Variants in RCOR2 observed in about 807,000 individuals in gnomAD.
RCOR2 encodes the protein REST corepressor 2.
Under a neutral mutation model 58.9 loss-of-function variants are expected in RCOR2, and 19 were observed. The ratio of observed to expected loss-of-function variants is 0.32; its 90% CI spans 0.23 to 0.47. The LOEUF (loss-of-function observed/expected upper bound fraction) is 0.47. RCOR2 is among the 20% of genes least tolerant of loss of function. RCOR2 has a pLI of 1.00. For missense variants in RCOR2, 590 were observed against 707.9 expected, an observed-to-expected ratio of 0.83 and a Z score of 1.89; for synonymous variants, 286 against 278.7, an observed-to-expected ratio of 1.03 and a Z score of -0.26.
the RCOR2 span, among the ~76,000 whole-genome samples, chr11:63,926,743 C>G: frequency 1.3e-5 from 2 of 151,430 alleles, no homozygotes; most frequent in Non-Finnish European, 2.9e-5. Flanking sequence ...CTCGGCCTCC[C>G]AAAGTGCTGC....
the RCOR2 span, among the ~76,000 whole-genome samples, chr11:63,922,932 G>A: frequency 2.6e-4 from 39 of 152,190 alleles, no homozygotes; most frequent in East Asian, 7.1e-3. Context: ...CTCTGCCAGG[G>A]CACATCCAGG....
At chr11:63,915,348 A>G in intron 2 of RCOR2, 90 bp from the exon 3 acceptor site, 6 of 1,284,890 alleles carry the variant, frequency 4.7e-6, no homozygotes, top group Non-Finnish European at 6.6e-6. Flanking sequence ...AGAGGAGTGG[A>G]GCCAGGGAGG....
At chr11:63,915,364 GCCCAGAAGGGAAGGAGGGGCAGAGA>G (rs1941840931) in intron 2 of RCOR2, 106 bp from the exon 3 acceptor site, 2 of 1,181,378 alleles carry the variant, frequency 1.7e-6, no homozygotes, top group Non-Finnish European at 2.5e-6. Context: ...GGAGGTTGAG[GCCCAGAAGGGAAGGAGGGGCAGAGA>G]CCCAGACAGG....
chr11:63,921,435 CCCCCAGCAAGGCCTG>C (rs1333762799), upstream of RCOR2, among the ~76,000 whole-genome samples: 1 of 152,128 alleles, frequency 6.6e-6, no homozygotes, highest in Non-Finnish European at 1.5e-5. Flanking sequence ...CTTAAATCCA[CCCCCAGCAAGGCCTG>C]CCCCAGAACC....
chr11:63,911,821 G>A lies in RCOR2; in HGVS notation c.*44C>T. ...CACCAGAGATGCCTGGGGATGGCCA[G>A]CAAAGGGGTCCTGGAGCCCGTGGTT... On this transcript the variant is annotated 3_prime_UTR_variant, in exon 12 of 12. Coordinates refer to ENST00000301459, the MANE Select transcript of RCOR2 (RefSeq NM_173587.4). 1 of 1,477,654 alleles carries A rather than the reference G, an allele frequency of 6.8e-7. No homozygotes were observed. Among genetic ancestry groups the A allele is most frequent in the Non-Finnish European group, 8.9e-7 (1 of 1,127,548 alleles). The allele number at this position is 1,477,654 out of a possible 1,614,324, so 91.5% of individuals were successfully genotyped here. A position where few individuals can be genotyped will look rare whatever the true frequency, so the allele number is the denominator to read the frequency against.
In RCOR2 at chr11:63,911,894, G is replaced by T; in HGVS notation, c.1543C>A (p.Pro515Thr). 1 of 1,411,006 alleles carries T rather than the reference G, an allele frequency of 7.1e-7. No homozygotes were observed. The allele number at this position is 1,411,006 out of a possible 1,614,324, so 87.4% of individuals were successfully genotyped here. A position where few individuals can be genotyped will look rare whatever the true frequency, so the allele number is the denominator to read the frequency against. Residue 515 changes from proline (P) to threonine (T), a missense_variant, in exon 12 of 12, where the codon CCT becomes ACT. Coordinates refer to ENST00000301459, the MANE Select transcript of RCOR2 (RefSeq NM_173587.4). Reference protein sequence around the residue: ...PQPPPTLIGTPLEPPAPSL With the variant: ...PQPPPTLIGTTLEPPAPSL Reference sequence around the variant, plus strand: ...AGTGAGGGTGCTGGGGGCTCCAGAGGGGTTCCAATCAGGGTGGGTGGGGGC... The same window carrying T: ...AGTGAGGGTGCTGGGGGCTCCAGAGTGGTTCCAATCAGGGTGGGTGGGGGC...
rs368232960 is a variant in RCOR2, at chr11:63,914,867, A to T, written c.318+35T>A. The T allele has an allele frequency of 3.7e-6, 6 of 1,611,222 alleles. No homozygotes were observed. The African/African-American group carries it at 8.0e-5, about 22-fold the overall frequency. Reference sequence around the variant, plus strand: ...GCCTGAGCTGCCCCGGCACCGTTCCACCCCATTCCCAAGTCCCTGGGGGCC... The same window carrying T: ...GCCTGAGCTGCCCCGGCACCGTTCCTCCCCATTCCCAAGTCCCTGGGGGCC... On this transcript the variant is annotated intron_variant, in intron 4 of 11. Coordinates refer to ENST00000301459, the MANE Select transcript of RCOR2 (RefSeq NM_173587.4).
Position 63,915,614 on chromosome 11 carries a change from G to A in RCOR2, c.128-3C>T. ...GGTTCCAACGCGGATCATGCTGTCT[G>A]TGGAGCCAGGGGGAGGCAGTCAGGA... is the stretch of plus-strand genomic sequence containing the variant. On this transcript the variant is annotated splice_region_variant and splice_polypyrimidine_tract_variant and intron_variant, in intron 1 of 11. Transcript: ENST00000301459. 4 of 1,557,070 alleles carry A rather than the reference G, an allele frequency of 2.6e-6. No homozygotes were observed. Among genetic ancestry groups the A allele is most frequent in the Non-Finnish European group, 3.5e-6 (4 of 1,150,478 alleles).
At chr11:63,923,308 C>A in the RCOR2 span, among the ~76,000 whole-genome samples, 2 of 151,952 alleles carry the variant, frequency 1.3e-5, no homozygotes, top group Admixed American at 6.6e-5. Context: ...ACACACACAC[C>A]CCTGCACCTC....
At chr11:63,919,586 G>C (rs1376725595), upstream of RCOR2, among the ~76,000 whole-genome samples, 1 of 152,194 alleles carries the variant, frequency 6.6e-6, no homozygotes, top group Admixed American at 6.5e-5. Context: ...CAGGAACATG[G>C]GGGTGTGGGA....
At position 63,912,942 on chromosome 11, in the gene RCOR2, CTG is replaced by C; in HGVS notation, c.895_896del (p.Gln299GlufsTer18). The C allele has an allele frequency of 6.2e-7, 1 of 1,612,974 alleles. No homozygotes were observed. The highest frequency in any genetic ancestry group is 8.5e-7 in the Non-Finnish European group (1 of 1,179,614). ...GGCTGCTGTTCGTCTGCTTCATGCT[CTG>C]TACCTGGGAAGGCCAGGAAGTGGAG... ...SQLISLKRQV[Q>X]SMKQTNSSLR... is the part of the protein sequence containing the mutation. On this transcript the variant is annotated frameshift_variant, in exon 9 of 12. Transcript: ENST00000301459. LOFTEE classifies it high-confidence loss of function.
chr11:63,916,580 G>A lies in RCOR2; in HGVS notation c.-124C>T, dbSNP rs1262571633. On this transcript the variant is annotated 5_prime_UTR_variant, in exon 1 of 12. Transcript: ENST00000301459. Reference sequence around the variant, plus strand: ...GTCGCCACTGAGGTTAGGAGAGGCAGGAGGTCAGCGTGGCTAGGGTCCGGC... The same window carrying A: ...GTCGCCACTGAGGTTAGGAGAGGCAAGAGGTCAGCGTGGCTAGGGTCCGGC... 1.4e-6 allele frequency: 2 copies of A among 1,425,654 alleles called. No individual in the cohort carries two copies. Among genetic ancestry groups the A allele is most frequent in the African/African-American group, 2.9e-5 (2 of 69,378 alleles). The allele number at this position is 1,425,654 out of a possible 1,614,324, so 88.3% of individuals were successfully genotyped here. A position where few individuals can be genotyped will look rare whatever the true frequency, so the allele number is the denominator to read the frequency against.
chr11:63,912,777 C>G (rs1367335255), intron 9 of RCOR2, 44 bp from the exon 10 acceptor site: 2 of 1,610,472 alleles, frequency 1.2e-6, no homozygotes, highest in South Asian at 1.1e-5. Flanking sequence ...CAAAACCATG[C>G]AAATGGAAGC....
chr11:63,923,957 G>A, the RCOR2 span, among the ~76,000 whole-genome samples: 7 of 152,228 alleles, frequency 4.6e-5, no homozygotes, highest in African/African-American at 1.7e-4. Context: ...TGCCCAGGCT[G>A]GAGTGCAATG....
chr11:63,914,530 C>G lies in RCOR2; in HGVS notation c.492G>C (p.Lys164Asn). 1.2e-6 allele frequency: 2 copies of G among 1,613,746 alleles called. No individual in the cohort carries two copies. Among genetic ancestry groups the G allele is most frequent in the Non-Finnish European group, 1.7e-6 (2 of 1,180,014 alleles). Residue 164 changes from lysine to asparagine, a missense_variant, in exon 6 of 12, where the codon AAG (lysine) becomes AAC (asparagine). Around this residue, in one of 3 missense-constraint regions of RCOR2, gnomAD observed 390 missense variants for 478.7 expected, o/e 0.81. Transcript: ENST00000301459. ...FQRIQQMLPD[K>N]LIPSLVKYYY... ...AGTATTTCACCAGGCTGGGAATCAA[C>G]TTGTCAGGCAGCTGGAGGAGGCAAC...
intron 8 of RCOR2, 74 bp downstream of exon 8, chr11:63,913,880 A>C (rs1330110125): frequency 7.3e-7 from 1 of 1,369,370 alleles, no homozygotes; most frequent in Admixed American, 1.7e-5. Flanking sequence ...CTTACACCTC[A>C]GCTCCCCCTA....
At chr11:63,913,190 T>A (rs1428349233) in intron 8 of RCOR2, among the ~76,000 whole-genome samples, 54 of 140,270 alleles carry the variant, frequency 3.8e-4, no homozygotes, top group South Asian at 1.6e-3. Context: ...ATATATTTTT[T>A]TTTTTTTTTT....
chr11:63,925,373 G>C, the RCOR2 span, among the ~76,000 whole-genome samples: 1 of 152,144 alleles, frequency 6.6e-6, no homozygotes, highest in Non-Finnish European at 1.5e-5. Flanking sequence ...TACCATGAAT[G>C]CTTCAGAAAT....
intron 7 of RCOR2, 25 bp downstream of exon 7, chr11:63,914,236 G>C (rs750824929): frequency 8.1e-6 from 13 of 1,613,336 alleles, no homozygotes. Context: ...CAGGCAGGCA[G>C]GGCCCAGAGG....
Sources: gnomAD v4.1 joint callset for allele counts (sites outside exome capture counted in the v4.1 genomes callset) on GRCh38, gnomAD v4.1.1 for gene constraint, gnomAD v4.1.1 regional missense constraint, MANE v1.5 for transcripts, NCBI Gene and HGNC (gene_info 2026-07-23, HGNC 2026-07-21) for gene names.